PKP1: variants seen among roughly 807,000 people sequenced by gnomAD.
PKP1 encodes plakophilin 1, also known as plakophilin-1.
A neutral mutation model predicts 76.4 loss-of-function variants in PKP1; 27 were observed. That is an observed-to-expected ratio of 0.35 (90% confidence interval 0.26 to 0.49). The LOEUF is 0.49. Among genes scored for constraint, PKP1 ranks in the 20% least tolerant of loss-of-function variants. The pLI is 0.99. For missense variants in PKP1, 964 were observed against 955.2 expected, an observed-to-expected ratio of 1.01 and a Z score of -0.12; for synonymous variants, 404 against 384.2, an observed-to-expected ratio of 1.05 and a Z score of -0.60.
chr1:201,286,400 C>A (rs146690471), intron 1 of PKP1, among the ~76,000 whole-genome samples: 47 of 152,100 alleles, frequency 3.1e-4, no homozygotes. Context: ...CTCCTTGTAC[C>A]CCAGGAAGGA....
chr1:201,328,382 G>A, intron 12 of PKP1: 2 of 345,948 alleles, frequency 5.8e-6, no homozygotes, highest in South Asian at 4.8e-5. Context: ...GCTCTTGTCA[G>A]AATTGTTTAA....
Position 201,283,676 on chromosome 1 carries a change from G to A in PKP1, c.-27G>A. On this transcript the variant is annotated 5_prime_UTR_variant, in exon 1 of 14. Transcript: ENST00000367324. ...CGCCTCTCTGCTCTCCTAGGCCCCG[G>A]CCGCGCGCCACCCGCCTCCCGCCAC... The A allele has an allele frequency of 6.2e-7, 1 of 1,605,990 alleles. No homozygotes were observed. Among genetic ancestry groups the A allele is most frequent in the Non-Finnish European group, 8.5e-7 (1 of 1,175,380 alleles).
chr1:201,321,003 T>C (rs1342476673), intron 7 of PKP1, among the ~76,000 whole-genome samples: 1 of 152,198 alleles, frequency 6.6e-6, no homozygotes, highest in Non-Finnish European at 1.5e-5. Context: ...GGAGGGCAGA[T>C]AAACAGAAGG....
intron 2 of PKP1, among the ~76,000 whole-genome samples, chr1:201,308,914 G>A (rs1353183456): frequency 6.6e-6 from 1 of 152,156 alleles, no homozygotes; most frequent in Non-Finnish European, 1.5e-5. Context: ...GTGGTAAGCT[G>A]ATGGGACCCG....
At chr1:201,326,410 T>C (rs1355937743) in intron 12 of PKP1, among the ~76,000 whole-genome samples, 1 of 152,250 alleles carries the variant, frequency 6.6e-6, no homozygotes, top group African/African-American at 2.4e-5. Context: ...CCTCCCCAGC[T>C]AGCCAGGTAC....
chr1:201,295,216 G>C (rs1656037983), intron 2 of PKP1, among the ~76,000 whole-genome samples: 1 of 152,102 alleles, frequency 6.6e-6, no homozygotes, highest in Non-Finnish European at 1.5e-5. Context: ...GAGTTTATAA[G>C]TTTGGTGTTC....
intron 2 of PKP1, among the ~76,000 whole-genome samples, chr1:201,305,898 G>A (rs1656354434): frequency 6.6e-6 from 1 of 152,148 alleles, no homozygotes; most frequent in Non-Finnish European, 1.5e-5. Flanking sequence ...CCAGCCTCTG[G>A]GTTTGAAAGC....
chr1:201,327,087 G>T (rs1657148334), intron 12 of PKP1, among the ~76,000 whole-genome samples: 2 of 152,256 alleles, frequency 1.3e-5, no homozygotes, highest in South Asian at 4.1e-4. Flanking sequence ...GCCTGCTGCA[G>T]TGGGCAAGGC....
chr1:201,291,841 T>G (rs1175163441), intron 1 of PKP1, among the ~76,000 whole-genome samples: 1 of 152,208 alleles, frequency 6.6e-6, no homozygotes, highest in Non-Finnish European at 1.5e-5. Context: ...GGGTCCTGAC[T>G]ATGAGTGTGC....
chr1:201,301,537 G>A (rs1246725917), intron 2 of PKP1, among the ~76,000 whole-genome samples: 2 of 152,126 alleles, frequency 1.3e-5, no homozygotes, highest in Admixed American at 6.5e-5. Flanking sequence ...GAGATACTGT[G>A]AGGCAGACAA....
At chr1:201,324,689 C>A in intron 10 of PKP1, 108 bp downstream of exon 10, 1 of 1,414,328 alleles carries the variant, frequency 7.1e-7, no homozygotes, top group Non-Finnish European at 9.9e-7. Flanking sequence ...ATGAGCATTC[C>A]AAGAAAGGAA....
intron 12 of PKP1, among the ~76,000 whole-genome samples, chr1:201,327,386 A>G (rs1306570966): frequency 6.6e-6 from 1 of 152,190 alleles, no homozygotes; most frequent in African/African-American, 2.4e-5. Context: ...ACGGTGTCCA[A>G]AGATGATTGG....
chr1:201,309,811 T>C (rs191974516), intron 2 of PKP1, among the ~76,000 whole-genome samples: 30 of 152,320 alleles, frequency 2.0e-4, no homozygotes, highest in Admixed American at 5.2e-4. Flanking sequence ...ATTTAGAACC[T>C]GGAGGCTGGG....
At chr1:201,321,948 C>T (rs1426176326) in intron 7 of PKP1, 30 bp from the exon 8 acceptor site, 2 of 1,613,644 alleles carry the variant, frequency 1.2e-6, no homozygotes, top group Non-Finnish European at 1.7e-6. Context: ...CGGGCAGAGG[C>T]TCAGGCCCAT....
intron 2 of PKP1, among the ~76,000 whole-genome samples, chr1:201,304,359 C>T (rs1195567905): frequency 6.6e-6 from 1 of 152,194 alleles, no homozygotes; most frequent in Non-Finnish European, 1.5e-5. Flanking sequence ...TTTAGAGTAC[C>T]ACTAAGGGTG....
chr1:201,288,583 C>G (rs550081978), intron 1 of PKP1, among the ~76,000 whole-genome samples: 2 of 152,172 alleles, frequency 1.3e-5, no homozygotes, highest in African/African-American at 4.8e-5. Context: ...TCACACAGAT[C>G]CAGCATGGGG....
chr1:201,329,776 A>G (rs1657261386), intron 13 of PKP1, among the ~76,000 whole-genome samples: 1 of 152,238 alleles, frequency 6.6e-6, no homozygotes, highest in Admixed American at 6.5e-5. Context: ...AGCTGCAACA[A>G]CTTGAAGGCA....
rs1656746730 is a variant in PKP1, at chr1:201,316,309, A to G, written c.702-244A>G. The G allele has an allele frequency of 7.3e-6, 4 of 546,832 alleles. No individual in the cohort carries two copies. The South Asian group carries it at 9.4e-5, about 13-fold the overall frequency. The allele number at this position is 546,832 out of a possible 1,614,324, so 33.9% of individuals were successfully genotyped here. A position where few individuals can be genotyped will look rare whatever the true frequency, so the allele number is the denominator to read the frequency against. ...GGAGAGATAACATACCTGCTAGGACATTAACTGTGACCAGGGGCTCACTAT... is the reference window on the plus strand; with the variant it reads ...GGAGAGATAACATACCTGCTAGGACGTTAACTGTGACCAGGGGCTCACTAT... On this transcript the variant is annotated intron_variant, in intron 3 of 13. Transcript: ENST00000367324.
At chr1:201,309,322 G>A (rs1571551259) in intron 2 of PKP1, among the ~76,000 whole-genome samples, 3 of 152,008 alleles carry the variant, frequency 2.0e-5, no homozygotes, top group South Asian at 4.2e-4. Context: ...GCGGCAAAGC[G>A]GGGACTGGCT....
Sources: gnomAD v4.1 joint callset for allele counts (sites outside exome capture counted in the v4.1 genomes callset) on GRCh38, gnomAD v4.1.1 for gene constraint, MANE v1.5 for transcripts, NCBI Gene and HGNC (gene_info 2026-07-23, HGNC 2026-07-21) for gene names.